The following KCNQ3 variants were observed in gnomAD, a reference collection of about 807,000 sequenced individuals.
KCNQ3 encodes potassium voltage-gated channel subfamily Q member 3.
In KCNQ3, 30 loss-of-function variants were observed where a neutral mutation model predicts 92.5. The observed-to-expected ratio is 0.32, with a 90% CI of 0.24 to 0.44. The LOEUF is 0.44. Ranked by LOEUF, KCNQ3 falls within the 20% of genes least tolerant of loss-of-function variation. The pLI is 1.00. For missense variants in KCNQ3, 913 were observed against 1,140.3 expected (o/e 0.80, Z 2.87); for synonymous variants, 450 against 468.8 (o/e 0.96, Z 0.52).
At chr8:132,231,826 G>A (rs921787157) in intron 1 of KCNQ3, among the ~76,000 whole-genome samples, 1 of 152,178 alleles carries the variant, frequency 6.6e-6, no homozygotes, top group African/African-American at 2.4e-5. Context: ...ATGATCATTA[G>A]GTCTTTCCTC....
At chr8:132,398,338 T>C (rs999016260) in intron 1 of KCNQ3, among the ~76,000 whole-genome samples, 3 of 152,158 alleles carry the variant, frequency 2.0e-5, no homozygotes, top group African/African-American at 7.2e-5. Context: ...GATTTTGCTT[T>C]TGCATTTTAT....
intron 1 of KCNQ3, among the ~76,000 whole-genome samples, chr8:132,281,975 C>A (rs764850490): frequency 1.3e-5 from 2 of 152,296 alleles, no homozygotes; most frequent in South Asian, 4.1e-4. Flanking sequence ...GTATCAATCA[C>A]CTTCCTCACA....
intron 1 of KCNQ3, among the ~76,000 whole-genome samples, chr8:132,409,017 A>G (rs1257926820): frequency 6.6e-6 from 1 of 152,206 alleles, no homozygotes; most frequent in East Asian, 1.9e-4. Context: ...AACTTGTAAG[A>G]TAATAAATGC....
chr8:132,254,949 T>C (rs867650997), intron 1 of KCNQ3, among the ~76,000 whole-genome samples: 1 of 152,130 alleles, frequency 6.6e-6, no homozygotes. Flanking sequence ...CTCTCTTCCA[T>C]AATAGCAACA....
rs373061711 is a variant in KCNQ3 at position 132,346,061 on chromosome 8, A to T, written c.386+134086T>A. On this transcript the variant is annotated intron_variant, in intron 1 of 14. Coordinates refer to ENST00000388996, the MANE Select transcript of KCNQ3 (RefSeq NM_004519.4). ...GTCATGATGGTGATGGTGATGATGG[A>T]ATGGTCATAATGGTGGTGACAAGAT... is the stretch of plus-strand genomic sequence containing the variant. 7.9e-5 allele frequency among the ~76,000 whole-genome samples: 12 copies of T among 152,016 alleles called. No individual in the cohort carries two copies. In the East Asian group the frequency reaches 2.3e-3, roughly 29 times the overall value.
At chr8:132,408,164 TA>T (rs1300914135) in intron 1 of KCNQ3, among the ~76,000 whole-genome samples, 2 of 152,170 alleles carry the variant, frequency 1.3e-5, no homozygotes, top group South Asian at 2.1e-4. Context: ...ATCGTTTTTT[TA>T]AAAAAATCAT....
intron 1 of KCNQ3, among the ~76,000 whole-genome samples, chr8:132,377,407 C>T (rs1819639741): frequency 6.6e-6 from 1 of 152,172 alleles, no homozygotes; most frequent in African/African-American, 2.4e-5. Context: ...TTCTAGATAT[C>T]TCTGTATATC....
At chr8:132,238,197 G>C (rs1444876576) in intron 1 of KCNQ3, among the ~76,000 whole-genome samples, 1 of 152,040 alleles carries the variant, frequency 6.6e-6, no homozygotes, top group African/African-American at 2.4e-5. Context: ...TCGGCGGAGG[G>C]GGTATGCTTG....
intron 4 of KCNQ3, among the ~76,000 whole-genome samples, chr8:132,177,788 G>T (rs914727269): frequency 6.6e-6 from 1 of 152,200 alleles, no homozygotes; most frequent in African/African-American, 2.4e-5. Context: ...AATGAATGAA[G>T]AAATGAATTG....
intron 1 of KCNQ3, among the ~76,000 whole-genome samples, chr8:132,203,737 G>A (rs369333465): frequency 4.6e-5 from 7 of 152,090 alleles, no homozygotes; most frequent in Admixed American, 1.3e-4. Context: ...AAACTCAAAG[G>A]GTTGCTGTGA....
chr8:132,383,383 T>C (rs749959432), intron 1 of KCNQ3, among the ~76,000 whole-genome samples: 1 of 151,712 alleles, frequency 6.6e-6, no homozygotes, highest in Non-Finnish European at 1.5e-5. Context: ...GCGAGGGAGG[T>C]AGAGGCACTG....
intron 1 of KCNQ3, among the ~76,000 whole-genome samples, chr8:132,314,435 C>T (rs1363227814): frequency 6.6e-6 from 1 of 152,070 alleles, no homozygotes; most frequent in East Asian, 1.9e-4. Flanking sequence ...CCTAACAAAA[C>T]CCAAAGATTT....
chr8:132,264,952 T>C (rs1815932825), intron 1 of KCNQ3, among the ~76,000 whole-genome samples: 2 of 152,158 alleles, frequency 1.3e-5, no homozygotes, highest in South Asian at 4.1e-4. Flanking sequence ...AAAGCAGGCA[T>C]AGTAGAAAAA....
At chr8:132,338,743 C>T (rs1194376550) in intron 1 of KCNQ3, among the ~76,000 whole-genome samples, 1 of 152,126 alleles carries the variant, frequency 6.6e-6, no homozygotes, top group Non-Finnish European at 1.5e-5. Context: ...GATGCTGACA[C>T]AGAAAAAATT....
intron 9 of KCNQ3, among the ~76,000 whole-genome samples, chr8:132,144,841 A>C (rs999868070): frequency 4.6e-5 from 7 of 152,166 alleles, no homozygotes; most frequent in Non-Finnish European, 1.0e-4. Context: ...CTGGACGTTC[A>C]GTCTAGTGGC....
chr8:132,324,227 TCTC>T (rs1419575466), intron 1 of KCNQ3, among the ~76,000 whole-genome samples: 1 of 152,120 alleles, frequency 6.6e-6, no homozygotes, highest in South Asian at 2.1e-4. Context: ...GTTCACCTAT[TCTC>T]CTCCTTTAGC....
chr8:132,472,270 A>G (rs755351689), intron 1 of KCNQ3, among the ~76,000 whole-genome samples: 2 of 152,230 alleles, frequency 1.3e-5, no homozygotes, highest in Admixed American at 6.5e-5. Flanking sequence ...TATTTGTCCA[A>G]AAGAAAAGAA....
intron 1 of KCNQ3, among the ~76,000 whole-genome samples, chr8:132,237,067 G>T (rs943482599): frequency 2.0e-5 from 3 of 152,188 alleles, no homozygotes; most frequent in Non-Finnish European, 4.4e-5. Flanking sequence ...GTAGGACCCT[G>T]CACAGAGAAT....
chr8:132,171,764 A>G (rs1826359743), intron 7 of KCNQ3, among the ~76,000 whole-genome samples: 1 of 152,084 alleles, frequency 6.6e-6, no homozygotes, highest in Admixed American at 6.6e-5. Flanking sequence ...ACTCTTCCCT[A>G]TGGGTCCCTA....
Sources: gnomAD v4.1 joint callset for allele counts (sites outside exome capture counted in the v4.1 genomes callset) on GRCh38, gnomAD v4.1.1 for gene constraint, MANE v1.5 for transcripts, NCBI Gene and HGNC (gene_info 2026-07-23, HGNC 2026-07-21) for gene names.